The following CLYBL variants were observed in gnomAD, a reference collection of about 807,000 sequenced individuals.
CLYBL encodes the protein citramalyl-CoA lyase, mitochondrial.
Under a neutral mutation model 38.9 loss-of-function variants are expected in CLYBL, and 31 were observed. That is an observed-to-expected ratio of 0.80 (90% CI 0.60 to 1.08). The LOEUF is 1.08. Ranked by LOEUF, CLYBL falls within the 50% of genes least tolerant of loss-of-function variation. CLYBL has a pLI of 0.00. For missense variants in CLYBL, 434 were observed against 411.6 expected (o/e 1.05, Z -0.47); for synonymous variants, 171 against 158.6 (o/e 1.08, Z -0.59).
chr13:99,855,105 T>C (rs1472675200), intron 2 of CLYBL, among the ~76,000 whole-genome samples: 3 of 152,198 alleles, frequency 2.0e-5, no homozygotes, highest in Admixed American at 6.5e-5. Context: ...GAAGTTCTAA[T>C]GTAACTGTTG....
At chr13:99,737,020 C>A (rs1360218389) in intron 1 of CLYBL, among the ~76,000 whole-genome samples, 1 of 151,964 alleles carries the variant, frequency 6.6e-6, no homozygotes, top group Non-Finnish European at 1.5e-5. Flanking sequence ...TAGATATAGA[C>A]AATATACATA....
At chr13:99,870,555 A>AT (rs1555322317) in intron 6 of CLYBL, among the ~76,000 whole-genome samples, 2 of 152,172 alleles carry the variant, frequency 1.3e-5, no homozygotes, top group Non-Finnish European at 2.9e-5. Flanking sequence ...TTCTCATTTA[A>AT]TTTTTTTCTA....
intron 1 of CLYBL, among the ~76,000 whole-genome samples, chr13:99,669,350 C>G (rs745658416): frequency 2.0e-5 from 3 of 152,048 alleles, no homozygotes; most frequent in Non-Finnish European, 4.4e-5. Flanking sequence ...CATGGAGACA[C>G]GTGAAGAACA....
downstream of CLYBL, among the ~76,000 whole-genome samples, chr13:99,901,232 C>G (rs556061458): frequency 6.6e-6 from 1 of 152,366 alleles, no homozygotes; most frequent in South Asian, 2.1e-4. Flanking sequence ...ATCATCTCTC[C>G]TTCCATCTAG....
intron 1 of CLYBL, among the ~76,000 whole-genome samples, chr13:99,723,297 G>A (rs1235848304): frequency 2.0e-5 from 3 of 152,304 alleles, no homozygotes; most frequent in Middle Eastern, 6.8e-3. Flanking sequence ...AGGGCTCAAC[G>A]TTAGTGAAGT....
chr13:99,728,157 C>T (rs182723489), intron 1 of CLYBL, among the ~76,000 whole-genome samples: 2 of 152,266 alleles, frequency 1.3e-5, no homozygotes, highest in Non-Finnish European at 2.9e-5. Context: ...TGAGGGTATT[C>T]CCCAAAGCTC....
downstream of CLYBL, among the ~76,000 whole-genome samples, chr13:99,900,767 C>A (rs564124755): frequency 7.2e-5 from 11 of 152,278 alleles, no homozygotes; most frequent in South Asian, 2.3e-3. Context: ...GAGCAAGCTC[C>A]AAATGTGTGT....
intron 2 of CLYBL, among the ~76,000 whole-genome samples, chr13:99,822,403 T>C (rs568194077): frequency 4.8e-4 from 73 of 152,270 alleles, no homozygotes; most frequent in African/African-American, 1.6e-3. Context: ...AAAGAAATGG[T>C]TCAGAAGTAA....
intron 1 of CLYBL, among the ~76,000 whole-genome samples, chr13:99,674,834 G>C (rs2047620284): frequency 6.6e-6 from 1 of 152,188 alleles, no homozygotes; most frequent in African/African-American, 2.4e-5. Context: ...GATTGCACCA[G>C]ATGTTGCTGC....
intron 1 of CLYBL, among the ~76,000 whole-genome samples, chr13:99,686,620 G>C (rs1474892757): frequency 6.6e-6 from 1 of 152,214 alleles, no homozygotes. Flanking sequence ...TTACTAAGCA[G>C]TACTAAAGTA....
chr13:99,665,264 A>G (rs2047463610), intron 1 of CLYBL, among the ~76,000 whole-genome samples: 1 of 152,030 alleles, frequency 6.6e-6, no homozygotes, highest in African/African-American at 2.4e-5. Context: ...TAGCACAGCA[A>G]GACAGGGAAG....
At chr13:99,672,951 G>A (rs1303027233) in intron 1 of CLYBL, among the ~76,000 whole-genome samples, 1 of 152,092 alleles carries the variant, frequency 6.6e-6, no homozygotes, top group Non-Finnish European at 1.5e-5. Flanking sequence ...GCGCCCAATG[G>A]GTATTGAGGA....
At position 99,865,441 on chromosome 13, in the gene CLYBL, C is replaced by A. The variant is rs2051717362; in HGVS notation, c.634+530C>A. Among the ~76,000 whole-genome samples, 1 of 152,170 alleles carries A rather than the reference C, an allele frequency of 6.6e-6. No homozygotes were observed. On this transcript the variant is annotated intron_variant, in intron 5 of 8. Coordinates refer to ENST00000339105, the MANE Select transcript of CLYBL (RefSeq NM_206808.5). This position sits in a 1 kb window ranked among gnomAD's most constrained non-coding sequence, Gnocchi z 4.7. ...TTAAATGTGCTGATTTTCACCGATT[C>A]TCACCATCCCTTGTGAGCTGCACTT...
intron 1 of CLYBL, among the ~76,000 whole-genome samples, chr13:99,717,048 C>T (rs1417586006): frequency 2.0e-5 from 3 of 151,914 alleles, no homozygotes; most frequent in Admixed American, 6.6e-5. Context: ...ACCTTGGCCT[C>T]GCAAAGAGCT....
intron 2 of CLYBL, among the ~76,000 whole-genome samples, chr13:99,803,305 C>T (rs2050171175): frequency 6.6e-6 from 1 of 152,160 alleles, no homozygotes; most frequent in South Asian, 2.1e-4. Flanking sequence ...ATAGCTTGCC[C>T]TAGAACAAAG....
chr13:99,697,504 A>G (rs927482545), intron 1 of CLYBL, among the ~76,000 whole-genome samples: 1 of 151,820 alleles, frequency 6.6e-6, no homozygotes, highest in Non-Finnish European at 1.5e-5. Flanking sequence ...AGTAGCTGGG[A>G]TTACAGGCAC....
intron 2 of CLYBL, among the ~76,000 whole-genome samples, chr13:99,842,540 C>T (rs2051107755): frequency 6.6e-6 from 1 of 152,180 alleles, no homozygotes; most frequent in African/African-American, 2.4e-5. Flanking sequence ...TGGTCAGGCA[C>T]TAGGGACACA....
chr13:99,694,604 G>GCTCCTTGT (rs1019058045), intron 1 of CLYBL, among the ~76,000 whole-genome samples: 4 of 152,136 alleles, frequency 2.6e-5, no homozygotes, highest in African/African-American at 9.7e-5. Context: ...CATGTGGGGT[G>GCTCCTTGT]CTCCTTGTCT....
At chr13:99,741,428 A>G (rs892849212) in intron 1 of CLYBL, among the ~76,000 whole-genome samples, 4 of 152,212 alleles carry the variant, frequency 2.6e-5, no homozygotes, top group Non-Finnish European at 4.4e-5. Flanking sequence ...GCAGACCCCA[A>G]CCTTCATCCA....
Sources: allele counts gnomAD v4.1 joint callset (sites outside exome capture counted in the v4.1 genomes callset), GRCh38; gene constraint gnomAD v4.1.1; non-coding constraint Gnocchi (gnomAD v3.1); transcripts MANE v1.5; gene names NCBI Gene and HGNC (gene_info 2026-07-23, HGNC 2026-07-21).